MEG3: variants seen among roughly 807,000 people sequenced by gnomAD.
MEG3 encodes the protein maternally expressed 3.
At chr14:100,841,631 G>C (rs1489313050) in intron 2 of MEG3, among the ~76,000 whole-genome samples, 1 of 150,872 alleles carries the variant, frequency 6.6e-6, no homozygotes, top group African/African-American at 2.5e-5. Context: ...TGTGTGACCT[G>C]TGTGGTCGGG....
At chr14:100,834,947 C>G in exon 1 of MEG3, 1 of 402,682 alleles carries the variant, frequency 2.5e-6, no homozygotes, top group Non-Finnish European at 5.0e-6. Context: ...CGTCATCCAA[C>G]AGTTGATCCT....
At chr14:100,852,719 G>A (rs1184361540), upstream of MEG3, 2 of 243,496 alleles carry the variant, frequency 8.2e-6, no homozygotes, top group East Asian at 2.4e-4. Context: ...AAGACTTAAA[G>A]TGTGCAGAAG....
chr14:100,828,753 A>C, exon 2 of MEG3: 1 of 151,266 alleles, frequency 6.6e-6, no homozygotes, highest in Non-Finnish European at 1.5e-5. Context: ...CCTTGTCTTC[A>C]AGGACCACCT....
rs190501440 is a variant in MEG3 at position 100,860,070 on chromosome 14, C to T, written n.2826C>T. ...CTCATCCCGGCTCTCCTGGTGGGCCCGGACCGCTGGGTGCTGGCTGCGGAG... is the reference window on the plus strand; with the variant it reads ...CTCATCCCGGCTCTCCTGGTGGGCCTGGACCGCTGGGTGCTGGCTGCGGAG... On this transcript the variant is annotated non_coding_transcript_exon_variant, in exon 1 of 2. Coordinates refer to the MEG3 transcript ENST00000398460. 891 of 154,120 alleles carry T rather than the reference C, an allele frequency of 5.8e-3. 26 individuals carry two copies. Among genetic ancestry groups the T allele is most frequent in the Admixed American group, 0.041 (652 of 15,754 alleles). 9.5% of individuals were successfully genotyped at this position (154,120 alleles called of 1,614,324 possible).
At chr14:100,836,413 G>C (rs2037582015) in intron 2 of MEG3, 2 of 431,108 alleles carry the variant, frequency 4.6e-6, no homozygotes, top group Admixed American at 5.9e-5. Flanking sequence ...ACCCTGCCAA[G>C]GTGAATTCTC....
chr14:100,860,319 T>G, exon 1 of MEG3: 1 of 241,932 alleles, frequency 4.1e-6, no homozygotes, highest in Non-Finnish European at 8.2e-6. Flanking sequence ...CAAAGCTGGA[T>G]AGGTTGGGCA....
chr14:100,859,625 C>T (rs10144253), exon 1 of MEG3: 138,652 of 151,740 alleles, frequency 0.91, 63,776 homozygotes, highest in African/African-American at 0.98. Context: ...CTGCCAGGTT[C>T]GGGACGCAGC....
At chr14:100,827,219 C>T (rs1303200325) in intron 1 of MEG3, among the ~76,000 whole-genome samples, 1 of 152,120 alleles carries the variant, frequency 6.6e-6, no homozygotes, top group African/African-American at 2.4e-5. Flanking sequence ...GCCGCCCCCT[C>T]CCACCCTGGG....
chr14:100,826,302 A>T (rs1216474163), intron 1 of MEG3: 3 of 152,252 alleles, frequency 2.0e-5, no homozygotes, highest in Non-Finnish European at 4.4e-5. Context: ...CCTCCTGGAC[A>T]TGCCGAGAGC....
At chr14:100,827,281 A>T (rs1359548949) in intron 1 of MEG3, 3 of 142,396 alleles carry the variant, frequency 2.1e-5, no homozygotes, top group African/African-American at 7.8e-5. Flanking sequence ...AGGTTTCTGG[A>T]AGGTTTCCTG....
At chr14:100,846,213 G>C (rs1184285099) in intron 3 of MEG3, 1 of 152,238 alleles carries the variant, frequency 6.6e-6, no homozygotes, top group Non-Finnish European at 1.5e-5. Flanking sequence ...TTCCCACCAG[G>C]AGACTATGTA....
At chr14:100,857,411 C>G (rs1447659616) in exon 1 of MEG3, 1 of 152,182 alleles carries the variant, frequency 6.6e-6, no homozygotes, top group Non-Finnish European at 1.5e-5. Context: ...CAACAGTGTG[C>G]AGATGCTGGC....
intron 1 of MEG3, among the ~76,000 whole-genome samples, chr14:100,828,072 C>CGAGGGGG (rs2037293627): frequency 6.6e-6 from 1 of 151,944 alleles, no homozygotes; most frequent in African/African-American, 2.4e-5. Context: ...GGAGAGGCGT[C>CGAGGGGG]CAGGGGGCGT....
upstream of MEG3, chr14:100,852,342 T>A (rs978165598): frequency 1.9e-6 from 1 of 532,500 alleles, no homozygotes; most frequent in Non-Finnish European, 3.8e-6. Flanking sequence ...TCCGGCCGAG[T>A]GGATGGCAAC....
At chr14:100,828,334 C>T (rs1028796562) in intron 1 of MEG3, among the ~76,000 whole-genome samples, 1 of 151,920 alleles carries the variant, frequency 6.6e-6, no homozygotes, top group African/African-American at 2.4e-5. Context: ...TCCTTACCCC[C>T]TCCCACTCCT....
At chr14:100,860,704 G>A (rs536713643) in intron 1 of MEG3, 9 of 456,668 alleles carry the variant, frequency 2.0e-5, no homozygotes, top group African/African-American at 4.0e-5. Context: ...CCACAGCCAC[G>A]GGGACACCCT....
intron 3 of MEG3, chr14:100,847,049 G>A (rs2139986680): frequency 6.6e-6 from 1 of 151,890 alleles, no homozygotes; most frequent in East Asian, 1.9e-4. Context: ...CAGACTAGAG[G>A]ATGAGTAATG....
At chr14:100,842,992 A>G (rs2037804907) in intron 2 of MEG3, among the ~76,000 whole-genome samples, 1 of 152,196 alleles carries the variant, frequency 6.6e-6, no homozygotes, top group Non-Finnish European at 1.5e-5. Flanking sequence ...ACATTTGTTA[A>G]GATTCTAGCC....
At chr14:100,848,498 A>G (rs2037981388) in intron 3 of MEG3, 1 of 152,238 alleles carries the variant, frequency 6.6e-6, no homozygotes, top group Non-Finnish European at 1.5e-5. Flanking sequence ...TGAGGAGGGC[A>G]TTGTAGACAG....
Sources: allele counts gnomAD v4.1 joint callset (sites outside exome capture counted in the v4.1 genomes callset), GRCh38; gene constraint gnomAD v4.1.1; transcripts MANE v1.5; gene names NCBI Gene and HGNC (gene_info 2026-07-23, HGNC 2026-07-21).